The following CCDC32 variants were observed in gnomAD, a reference collection of about 807,000 sequenced individuals.
The protein encoded by CCDC32 is coiled-coil domain-containing protein 32.
A neutral mutation model predicts 20.1 loss-of-function variants in CCDC32; 9 were observed. The ratio of observed to expected loss-of-function variants is 0.45; its 90% confidence interval spans 0.27 to 0.78. The LOEUF is 0.78. Ranked by LOEUF, CCDC32 falls within the 30% of genes least tolerant of loss-of-function variation. CCDC32 has a pLI of 0.16. For missense variants in CCDC32, 204 were observed against 215.5 expected, an observed-to-expected ratio of 0.95 and a Z score of 0.33; for synonymous variants, 63 against 79.0, an observed-to-expected ratio of 0.80 and a Z score of 1.07.
intron 2 of CCDC32, among the ~76,000 whole-genome samples, chr15:40,561,433 A>G (rs930898390): frequency 2.6e-5 from 4 of 151,714 alleles, no homozygotes; most frequent in Non-Finnish European, 4.4e-5. Flanking sequence ...AGATCGTGCC[A>G]CTGCATTCCA....
At chr15:40,537,979 T>C (rs1889200509), downstream of CCDC32, 1 of 152,226 alleles carries the variant, frequency 6.6e-6, no homozygotes, top group Admixed American at 6.5e-5. Context: ...TCAGTAATGC[T>C]GACCACTTTT....
chr15:40,530,406 AGTGAGCTCTCACTCTGAGTTCAC>A (rs1888837390), downstream of CCDC32, among the ~76,000 whole-genome samples: 1 of 149,826 alleles, frequency 6.7e-6, no homozygotes, highest in African/African-American at 2.4e-5. Flanking sequence ...TATGGTAGTG[AGTGAGCTCTCACTCTGAGTTCAC>A]GTGAGATCTG....
At chr15:40,559,992 A>C (rs921434231) in intron 2 of CCDC32, among the ~76,000 whole-genome samples, 88 of 151,724 alleles carry the variant, frequency 5.8e-4, no homozygotes, top group Non-Finnish European at 9.9e-4. Flanking sequence ...CCTAGGAAAA[A>C]CTCTTCCAGA....
downstream of CCDC32, among the ~76,000 whole-genome samples, chr15:40,527,493 T>C (rs1894914209): frequency 6.6e-6 from 1 of 152,208 alleles, no homozygotes; most frequent in Non-Finnish European, 1.5e-5. Flanking sequence ...TTGTTGTACA[T>C]AGGTGCTATG....
chr15:40,554,467 G>T (rs957462342), intron 3 of CCDC32, among the ~76,000 whole-genome samples: 2 of 152,168 alleles, frequency 1.3e-5, no homozygotes, highest in African/African-American at 4.8e-5. Context: ...CAAAACAGGA[G>T]AGGAGAGAAA....
chr15:40,559,049 C>G (rs1890446322), intron 2 of CCDC32, among the ~76,000 whole-genome samples: 1 of 151,778 alleles, frequency 6.6e-6, no homozygotes, highest in African/African-American at 2.4e-5. Context: ...TGTGATCTGC[C>G]TGCCTCGGCC....
At chr15:40,561,253 T>C (rs1313394913) in intron 2 of CCDC32, among the ~76,000 whole-genome samples, 1 of 151,490 alleles carries the variant, frequency 6.6e-6, no homozygotes, top group African/African-American at 2.4e-5. Context: ...GGTGGGTGGA[T>C]CACGAAGTCA....
chr15:40,551,869 A>G (rs1329365130), downstream of CCDC32, among the ~76,000 whole-genome samples: 2 of 149,494 alleles, frequency 1.3e-5, no homozygotes, highest in African/African-American at 4.9e-5. Context: ...AAGAGAGGAA[A>G]GGGCCAGGCA....
chr15:40,554,415 A>C (rs1890098511), intron 3 of CCDC32, among the ~76,000 whole-genome samples: 1 of 152,142 alleles, frequency 6.6e-6, no homozygotes, highest in Non-Finnish European at 1.5e-5. Flanking sequence ...TGAAGAGTTT[A>C]CGCCTCAGTC....
At chr15:40,551,809 C>CAAAAAAAAAAAA (rs59499493), downstream of CCDC32, among the ~76,000 whole-genome samples, 38 of 96,350 alleles carry the variant, frequency 3.9e-4, no homozygotes, top group African/African-American at 1.5e-3. Context: ...GACCCTGTCT[C>CAAAAAAAAAAAA]AAAAAAAAAA....
chr15:40,540,370 CTTT>C (rs869261368), intron 3 of CCDC32, among the ~76,000 whole-genome samples: 2 of 83,014 alleles, frequency 2.4e-5, no homozygotes. Context: ...TTTTCTTTTT[CTTT>C]TTTTTTTTTT....
At chr15:40,543,783 C>T (rs1398030927) in intron 3 of CCDC32, among the ~76,000 whole-genome samples, 1 of 152,104 alleles carries the variant, frequency 6.6e-6, no homozygotes, top group Non-Finnish European at 1.5e-5. Context: ...CCCCTCAGCT[C>T]TCTTGGCCTT....
downstream of CCDC32, among the ~76,000 whole-genome samples, chr15:40,527,406 A>G (rs1595881355): frequency 1.3e-5 from 2 of 152,266 alleles, no homozygotes; most frequent in Middle Eastern, 6.8e-3. Flanking sequence ...CCTGATCTCA[A>G]GCGATCCACC....
downstream of CCDC32, among the ~76,000 whole-genome samples, chr15:40,533,781 G>T (rs1000647664): frequency 6.6e-6 from 1 of 152,126 alleles, no homozygotes; most frequent in African/African-American, 2.4e-5. Flanking sequence ...GGTTTAGGAG[G>T]AGGGAGTGTT....
At position 40,554,009 on chromosome 15, in the gene CCDC32, G is replaced by A; in HGVS notation, c.520C>T (p.Pro174Ser). 1 of 1,608,662 alleles carries A rather than the reference G, an allele frequency of 6.2e-7. No homozygotes were observed. The highest frequency in any genetic ancestry group is 1.1e-5 in the South Asian group (1 of 90,882). ...GCTGCTGGCTTGTCCCCGGCTGCTGGCTCGTCCTCGGCCACTGGCTTCTCA... is the reference window on the plus strand; with the variant it reads ...GCTGCTGGCTTGTCCCCGGCTGCTGACTCGTCCTCGGCCACTGGCTTCTCA... ...QVEKPVAEDE[P>S]AAGDKPAAAE... The change falls in exon 4 of 4, where the codon CCA (proline) becomes TCA (serine). Residue 174 changes from proline (P) to serine (S), a missense_variant. Transcript: ENST00000416810.
chr15:40,539,421 A>C, intron 3 of CCDC32: 2 of 1,358,794 alleles, frequency 1.5e-6, no homozygotes, highest in Non-Finnish European at 2.0e-6. Flanking sequence ...GGCACACACT[A>C]ACAGAGTCAA....
At chr15:40,551,435 G>T (rs1889859342), downstream of CCDC32, among the ~76,000 whole-genome samples, 1 of 151,902 alleles carries the variant, frequency 6.6e-6, no homozygotes, top group African/African-American at 2.4e-5. Context: ...GAGGAGTGAG[G>T]CCTGGCATCT....
downstream of CCDC32, chr15:40,532,281 T>A (rs1595882564): frequency 1.4e-6 from 1 of 703,140 alleles, no homozygotes; most frequent in East Asian, 2.7e-5. Flanking sequence ...CAAAGCAAAT[T>A]CTACTTTGCA....
chr15:40,562,695 C>A, intron 2 of CCDC32, 77 bp downstream of exon 2: 1 of 1,496,660 alleles, frequency 6.7e-7, no homozygotes, highest in East Asian at 2.3e-5. Flanking sequence ...ACAGGAATAA[C>A]AACAACACAA....
Sources: gnomAD v4.1 joint callset for allele counts (sites outside exome capture counted in the v4.1 genomes callset) on GRCh38, gnomAD v4.1.1 for gene constraint, MANE v1.5 for transcripts, NCBI Gene and HGNC (gene_info 2026-07-23, HGNC 2026-07-21) for gene names.